Variants in LRRC7 observed in about 807,000 individuals in gnomAD.
LRRC7 encodes leucine rich repeat containing 7.
A neutral mutation model predicts 175.7 loss-of-function variants in LRRC7; 23 were observed. The observed-to-expected ratio is 0.13, with a 90% CI of 0.09 to 0.19. The LOEUF (loss-of-function observed/expected upper bound fraction) is 0.19, where lower values mean the gene tolerates loss of function less well. Ranked by LOEUF, LRRC7 falls within the 10% of genes least tolerant of loss-of-function variation. The pLI is 1.00. For synonymous variants in LRRC7, 685 were observed against 680.9 expected (o/e 1.01, Z -0.09); for missense variants, 1,354 against 1,904.7 (o/e 0.71, Z 5.38).
chr1:69,943,626 A>G (rs778308438), intron 8 of LRRC7, among the ~76,000 whole-genome samples: 17 of 151,994 alleles, frequency 1.1e-4, no homozygotes, highest in Non-Finnish European at 2.4e-4. Context: ...CTTATAAAAT[A>G]AAACAATCTT....
At chr1:69,649,270 A>T (rs1655436131) in intron 1 of LRRC7, among the ~76,000 whole-genome samples, 2 of 152,228 alleles carry the variant, frequency 1.3e-5, no homozygotes, top group Non-Finnish European at 2.9e-5. Flanking sequence ...TAAAGTACCT[A>T]CAATAGTGCC....
chr1:69,705,354 T>TAAGG (rs1256562240), intron 2 of LRRC7, among the ~76,000 whole-genome samples: 2 of 152,144 alleles, frequency 1.3e-5, no homozygotes, highest in Admixed American at 6.6e-5. Context: ...AGCTTCTCCT[T>TAAGG]GACTTGTATT....
chr1:69,718,980 C>A (rs927863902), intron 2 of LRRC7, among the ~76,000 whole-genome samples: 5 of 151,730 alleles, frequency 3.3e-5, no homozygotes, highest in Admixed American at 3.3e-4. Flanking sequence ...CTATATCAAT[C>A]CCAATGATTC....
At chr1:70,066,297 C>T (rs72945237) in intron 23 of LRRC7, among the ~76,000 whole-genome samples, 3,861 of 151,960 alleles carry the variant, frequency 0.025, 187 homozygotes, top group African/African-American at 0.09. Context: ...TCTTAGGTAC[C>T]TTGCATAAGA....
Position 70,138,338 on chromosome 1 carries a change from G to A in LRRC7, c.*16451G>A, listed in dbSNP as rs1666945593. The A allele has an allele frequency of 1.3e-5, 2 of 152,070 alleles. No individual in the cohort carries two copies. Among genetic ancestry groups the A allele is most frequent in the Admixed American group, 1.3e-4 (2 of 15,268 alleles). The allele number at this position is 152,070 out of a possible 1,614,324, so 9.4% of individuals were successfully genotyped here. A position where few individuals can be genotyped will look rare whatever the true frequency, so the allele number is the denominator to read the frequency against. On this transcript the variant is annotated 3_prime_UTR_variant, in exon 27 of 27. Coordinates refer to ENST00000651989, the MANE Select transcript of LRRC7 (RefSeq NM_001370785.2). ...TATATTCAGTTGTCAACATGGAGAA[G>A]CCACCTTTTAAAAAAGATCAGTTCT... is the stretch of plus-strand genomic sequence containing the variant.
intron 1 of LRRC7, among the ~76,000 whole-genome samples, chr1:69,620,406 GT>G (rs1274072607): frequency 2.6e-5 from 4 of 152,084 alleles, no homozygotes; most frequent in African/African-American, 9.7e-5. Flanking sequence ...AGACCAAAAA[GT>G]TTAAGAACCA....
chr1:69,837,196 C>G (rs577560244), intron 6 of LRRC7, among the ~76,000 whole-genome samples: 2 of 151,956 alleles, frequency 1.3e-5, no homozygotes, highest in South Asian at 4.1e-4. Context: ...TTCCCCAACC[C>G]CAGCATTGTC....
chr1:69,903,327 C>A (rs925427471), intron 7 of LRRC7, among the ~76,000 whole-genome samples: 2 of 152,100 alleles, frequency 1.3e-5, no homozygotes, highest in Non-Finnish European at 2.9e-5. Flanking sequence ...CCACAGAGGG[C>A]GAGCGGAAGC....
At position 70,039,260 on chromosome 1, in the gene LRRC7, G is replaced by T. The variant is rs776891779; in HGVS notation, c.3436G>T (p.Ala1146Ser). ...VVNAQFASQG[A>S]RAGFLRRADS... ...GAATGCCCAGTTCGCAAGCCAAGGGGCCAGGGCGGGCTTCCTGAGAAGGGC... is the reference window on the plus strand; with the variant it reads ...GAATGCCCAGTTCGCAAGCCAAGGGTCCAGGGCGGGCTTCCTGAGAAGGGC... Residue 1146 changes from alanine to serine, a missense_variant, in exon 21 of 27, where the codon GCC becomes TCC. Ala to Ser is a moderately conservative substitution (Grantham distance 99, BLOSUM62 1). Around this residue, in one of 4 missense-constraint regions of LRRC7, gnomAD observed 1,032 missense variants for 1,227.2 expected, o/e 0.84. Transcript: ENST00000651989. The T allele has an allele frequency of 6.8e-6, 11 of 1,613,942 alleles. No individual in the cohort carries two copies. The African/African-American group carries it at 1.5e-4, about 22-fold the overall frequency.
intron 25 of LRRC7, among the ~76,000 whole-genome samples, chr1:70,098,947 G>A (rs146130004): frequency 0.026 from 3,891 of 152,168 alleles, 193 homozygotes; most frequent in African/African-American, 0.09. Context: ...TAGAAAAAGA[G>A]GGGATCCTCC....
intron 8 of LRRC7, among the ~76,000 whole-genome samples, chr1:69,978,950 A>AAAAC (rs1553183907): frequency 6.7e-6 from 1 of 150,146 alleles, no homozygotes; most frequent in African/African-American, 2.5e-5. Context: ...AAAAAAAAAA[A>AAAAC]ACAGAAAATC....
chr1:69,846,715 T>C (rs1028871863), intron 7 of LRRC7, among the ~76,000 whole-genome samples: 6 of 152,044 alleles, frequency 3.9e-5, no homozygotes, highest in Non-Finnish European at 8.8e-5. Context: ...CTGGGAAATA[T>C]ATTTTGGGTA....
intron 24 of LRRC7, among the ~76,000 whole-genome samples, chr1:70,076,569 A>C (rs557079835): frequency 2.0e-5 from 3 of 152,302 alleles, no homozygotes; most frequent in Admixed American, 1.3e-4. Context: ...ACCCTTTCCT[A>C]CCCACTCCTA....
chr1:69,949,013 T>C (rs1417054235), intron 8 of LRRC7, among the ~76,000 whole-genome samples: 1 of 152,138 alleles, frequency 6.6e-6, no homozygotes, highest in Admixed American at 6.6e-5. Flanking sequence ...AATCTTTCAG[T>C]CTCTCCTTAT....
At chr1:69,770,956 A>G (rs1217316329) in intron 3 of LRRC7, among the ~76,000 whole-genome samples, 1 of 152,214 alleles carries the variant, frequency 6.6e-6, no homozygotes. Context: ...TCTTCGATTA[A>G]TGTTTCCAGA....
intron 7 of LRRC7, among the ~76,000 whole-genome samples, chr1:69,894,039 A>G (rs1645911966): frequency 6.6e-6 from 1 of 152,258 alleles, no homozygotes; most frequent in African/African-American, 2.4e-5. Context: ...ATATTCCAGT[A>G]TAACGGTTAG....
chr1:70,038,521 A>C lies in LRRC7; in HGVS notation c.2697A>C (p.Lys899Asn). The change falls in exon 21 of 27, where the codon AAA becomes AAC. Residue 899 changes from lysine (K) to asparagine (N), a missense_variant. Physicochemically the swap from Lys to Asn is moderately conservative, Grantham distance 94. Around this residue, in one of 4 missense-constraint regions of LRRC7, gnomAD observed 1,032 missense variants for 1,227.2 expected, o/e 0.84. Transcript: ENST00000651989. ...PFEDRTAFPS[K>N]LETTPTTSPL... is the part of the protein sequence containing the mutation. ...AAGACAGGACCGCTTTTCCTTCCAA[A>C]TTAGAGACAACCCCCACTACCAGCC... is the stretch of plus-strand genomic sequence containing the variant. 1 of 1,614,052 alleles carries C rather than the reference A, an allele frequency of 6.2e-7. No homozygotes were observed. The highest frequency in any genetic ancestry group is 8.5e-7 in the Non-Finnish European group (1 of 1,179,986).
In LRRC7 at chr1:69,932,395, A is replaced by G. The variant is rs902881267; in HGVS notation, c.711+825A>G. 2.6e-5 allele frequency among the ~76,000 whole-genome samples: 4 copies of G among 152,190 alleles called. No homozygotes were observed. The East Asian group carries it at 7.7e-4, about 29-fold the overall frequency. The stretch of plus-strand genomic sequence containing the variant: ...GCCTTATTTTCCTCGTGTATAAAAT[A>G]GGGATTATAATGTTCTCTCTTACAC... On this transcript the variant is annotated intron_variant, in intron 8 of 26. Transcript: ENST00000651989.
chr1:69,590,885 G>A (rs1440338561), intron 1 of LRRC7, among the ~76,000 whole-genome samples: 2 of 152,028 alleles, frequency 1.3e-5, no homozygotes, highest in East Asian at 1.9e-4. Context: ...TCACAGAGAG[G>A]TAAGGATTGA....
Sources: allele counts gnomAD v4.1 joint callset (sites outside exome capture counted in the v4.1 genomes callset), GRCh38; gene constraint gnomAD v4.1.1; regional missense constraint gnomAD v4.1.1; transcripts MANE v1.5; gene names NCBI Gene and HGNC (gene_info 2026-07-23, HGNC 2026-07-21).